The following CNTN5 variants were observed in gnomAD, a reference collection of about 807,000 sequenced individuals.
CNTN5 encodes the protein contactin 5.
A neutral mutation model predicts 129.1 loss-of-function variants in CNTN5; 77 were observed. The observed-to-expected ratio is 0.60, with a 90% CI of 0.50 to 0.72. The LOEUF (loss-of-function observed/expected upper bound fraction) is 0.72. Among genes scored for constraint, CNTN5 ranks in the 30% least tolerant of loss-of-function variants. The pLI is 0.00. For missense variants in CNTN5, 1,478 were observed against 1,328.8 expected, an observed-to-expected ratio of 1.11 and a Z score of -1.75; for synonymous variants, 509 against 465.6, an observed-to-expected ratio of 1.09 and a Z score of -1.20.
At chr11:100,217,647 G>A (rs577996744) in intron 15 of CNTN5, among the ~76,000 whole-genome samples, 2 of 152,264 alleles carry the variant, frequency 1.3e-5, no homozygotes, top group East Asian at 3.9e-4. Context: ...AAGATAGTAA[G>A]ATTATTCTAT....
chr11:99,531,260 T>C (rs1274479973), intron 2 of CNTN5, among the ~76,000 whole-genome samples: 2 of 152,158 alleles, frequency 1.3e-5, no homozygotes, highest in African/African-American at 2.4e-5. Flanking sequence ...CCATAGAGAT[T>C]TGCGGAACTT....
intron 7 of CNTN5, among the ~76,000 whole-genome samples, chr11:99,919,066 C>T (rs565270990): frequency 1.5e-4 from 23 of 152,242 alleles, no homozygotes; most frequent in African/African-American, 5.5e-4. Flanking sequence ...GATAAAAACC[C>T]CTTCCTGCCT....
rs80163051 is a variant in CNTN5 at position 99,961,285 on chromosome 11, A to G, written c.877+4276A>G. Among the ~76,000 whole-genome samples the G allele has an allele frequency of 4.6e-3, 693 of 151,488 alleles. 5 individuals carry two copies. Among genetic ancestry groups the G allele is most frequent in the African/African-American group, 0.016 (640 of 41,244 alleles). On this transcript the variant is annotated intron_variant, in intron 8 of 24. Transcript: ENST00000524871. Reference sequence around the variant, plus strand: ...ATAAGGGTTTCCATAAGAAGTGGGCATGTAGTTAAACATGGTGGACTGGAT... The same window carrying G: ...ATAAGGGTTTCCATAAGAAGTGGGCGTGTAGTTAAACATGGTGGACTGGAT...
intron 4 of CNTN5, among the ~76,000 whole-genome samples, chr11:99,826,702 G>C (rs1145406): frequency 0.68 from 103,178 of 152,130 alleles, 35,016 homozygotes; most frequent in East Asian, 0.72. Flanking sequence ...ATATATTATA[G>C]TTGTAGCAAA....
intron 3 of CNTN5, among the ~76,000 whole-genome samples, chr11:99,661,889 C>T (rs1040592044): frequency 1.3e-5 from 2 of 151,970 alleles, no homozygotes; most frequent in Admixed American, 6.6e-5. Context: ...GAAGAGCATA[C>T]GTATTTTCAA....
chr11:99,687,942 G>T (rs144919661), intron 3 of CNTN5, among the ~76,000 whole-genome samples: 1 of 152,038 alleles, frequency 6.6e-6, no homozygotes, highest in East Asian at 1.9e-4. Flanking sequence ...GCATATGCTT[G>T]GTCAGCAGCA....
intron 2 of CNTN5, among the ~76,000 whole-genome samples, chr11:99,350,937 T>C (rs1938254264): frequency 6.6e-6 from 1 of 151,948 alleles, no homozygotes; most frequent in Non-Finnish European, 1.5e-5. Flanking sequence ...ATTAAGTTAG[T>C]TCCTAAAACC....
At chr11:100,029,125 G>A (rs1393019259) in intron 9 of CNTN5, among the ~76,000 whole-genome samples, 1 of 150,982 alleles carries the variant, frequency 6.6e-6, no homozygotes, top group Non-Finnish European at 1.5e-5. Flanking sequence ...AACGGCTGTT[G>A]GAAAAACATA....
At chr11:99,306,122 A>C (rs1308985749) in intron 1 of CNTN5, among the ~76,000 whole-genome samples, 1 of 152,220 alleles carries the variant, frequency 6.6e-6, no homozygotes, top group Non-Finnish European at 1.5e-5. Context: ...TCAGGAAACT[A>C]TGTAACTTAA....
intron 2 of CNTN5, among the ~76,000 whole-genome samples, chr11:99,363,620 A>G (rs932408208): frequency 7.2e-5 from 11 of 152,030 alleles, no homozygotes; most frequent in Admixed American, 6.6e-4. Context: ...AACAAGCACA[A>G]TTTTTCTAAT....
chr11:100,348,232 C>G (rs994808707), intron 23 of CNTN5, among the ~76,000 whole-genome samples: 4 of 151,966 alleles, frequency 2.6e-5, no homozygotes, highest in Non-Finnish European at 4.4e-5. Flanking sequence ...TCTTAACCTT[C>G]TCATAGTTCT....
chr11:100,324,289 T>C (rs1452778480), intron 21 of CNTN5, among the ~76,000 whole-genome samples: 1 of 152,176 alleles, frequency 6.6e-6, no homozygotes, highest in Non-Finnish European at 1.5e-5. Flanking sequence ...AGAAATAGCA[T>C]TGATTAGTGA....
intron 17 of CNTN5, among the ~76,000 whole-genome samples, chr11:100,262,179 A>G (rs1005502379): frequency 2.0e-5 from 3 of 152,240 alleles, no homozygotes; most frequent in African/African-American, 7.2e-5. Context: ...TATGCAGCCA[A>G]CAAATGTATG....
chr11:100,325,891 TAGAA>T (rs1251426628), intron 21 of CNTN5, among the ~76,000 whole-genome samples: 3 of 152,166 alleles, frequency 2.0e-5, no homozygotes, highest in African/African-American at 7.2e-5. Context: ...AGAAAAACCT[TAGAA>T]AGAAGGAAAT....
At chr11:99,773,340 T>A (rs1266898872) in intron 3 of CNTN5, among the ~76,000 whole-genome samples, 1 of 152,146 alleles carries the variant, frequency 6.6e-6, no homozygotes, top group Non-Finnish European at 1.5e-5. Flanking sequence ...GGTGATAACA[T>A]TTTCAATTAG....
chr11:99,798,120 C>T (rs563078884), intron 3 of CNTN5, among the ~76,000 whole-genome samples: 7 of 152,134 alleles, frequency 4.6e-5, no homozygotes, highest in African/African-American at 9.6e-5. Context: ...TACCCTACCC[C>T]GTCTGATAGG....
intron 3 of CNTN5, among the ~76,000 whole-genome samples, chr11:99,690,182 G>T (rs1205365533): frequency 6.6e-6 from 1 of 152,144 alleles, no homozygotes; most frequent in African/African-American, 2.4e-5. Context: ...TTATTAAGTA[G>T]GGAATCCTTT....
At chr11:99,476,128 C>T (rs990980489) in intron 2 of CNTN5, among the ~76,000 whole-genome samples, 3 of 151,894 alleles carry the variant, frequency 2.0e-5, no homozygotes, top group South Asian at 2.1e-4. Flanking sequence ...TCATTCATGT[C>T]CTGGCACAAT....
intron 6 of CNTN5, among the ~76,000 whole-genome samples, chr11:99,912,169 G>T (rs1423053036): frequency 6.6e-6 from 1 of 151,978 alleles, no homozygotes; most frequent in African/African-American, 2.4e-5. Context: ...AGAGGAAGAG[G>T]AAGGAAGGGA....
Sources: allele counts gnomAD v4.1 joint callset (sites outside exome capture counted in the v4.1 genomes callset), GRCh38; gene constraint gnomAD v4.1.1; transcripts MANE v1.5; gene names NCBI Gene and HGNC (gene_info 2026-07-23, HGNC 2026-07-21).